The following FAM135B variants were observed in gnomAD, a reference collection of about 807,000 sequenced individuals.
FAM135B encodes family with sequence similarity 135 member B, also known as protein FAM135B.
FAM135B carries 43 observed loss-of-function variants against 127.7 expected under a neutral mutation model. The ratio of observed to expected loss-of-function variants is 0.34; its 90% CI spans 0.26 to 0.43. The LOEUF is 0.43. Among genes scored for constraint, FAM135B ranks in the 20% least tolerant of loss-of-function variants. The pLI is 1.00. For missense variants in FAM135B, 1,558 were observed against 1,725.6 expected, an observed-to-expected ratio of 0.90 and a Z score of 1.72; for synonymous variants, 670 against 665.1, an observed-to-expected ratio of 1.01 and a Z score of -0.11.
chr8:138,393,584 A>G (rs981065954), intron 1 of FAM135B, among the ~76,000 whole-genome samples: 1 of 152,196 alleles, frequency 6.6e-6, no homozygotes, highest in African/African-American at 2.4e-5. Context: ...GCATGAACAG[A>G]AAAGCCCTTT....
intron 13 of FAM135B, 153 bp from the exon 14 acceptor site, chr8:138,148,839 G>A: frequency 1.8e-6 from 1 of 553,388 alleles, no homozygotes; most frequent in Non-Finnish European, 3.1e-6. Context: ...ACATGCTAGT[G>A]AGTGAAGCTT....
At position 138,132,578 on chromosome 8, in the gene FAM135B, G is replaced by C. The variant is rs1351714960; in HGVS notation, c.*15C>G. 1 of 1,606,892 alleles carries C rather than the reference G, an allele frequency of 6.2e-7. No homozygotes were observed. The highest frequency in any genetic ancestry group is 8.5e-7 in the Non-Finnish European group (1 of 1,173,554). On this transcript the variant is annotated 3_prime_UTR_variant, in exon 20 of 20. Coordinates refer to ENST00000395297, the MANE Select transcript of FAM135B (RefSeq NM_015912.4). The surrounding 1 kb of genome is among the most constrained non-coding windows in gnomAD (Gnocchi z 4.5). ...CGATCGTAAGCATTACCAAAGACCT[G>C]CTCCCTCAAAGCCACTACTTGAAGT...
intron 1 of FAM135B, among the ~76,000 whole-genome samples, chr8:138,425,964 C>A (rs1185732598): frequency 1.3e-4 from 14 of 110,002 alleles, no homozygotes; most frequent in Non-Finnish European, 1.5e-4. Flanking sequence ...GCCAGGCCAA[C>A]ATATATATAT....
At chr8:138,146,240 C>T (rs891588273) in intron 14 of FAM135B, among the ~76,000 whole-genome samples, 190 bp from the exon 15 acceptor site, 1 of 152,194 alleles carries the variant, frequency 6.6e-6, no homozygotes, top group African/African-American at 2.4e-5. Context: ...TGGCCCCCCA[C>T]ACTCAGAGTC....
intron 2 of FAM135B, among the ~76,000 whole-genome samples, chr8:138,342,011 T>C (rs1373788661): frequency 6.6e-6 from 1 of 152,204 alleles, no homozygotes; most frequent in Admixed American, 6.5e-5. Context: ...AGCCAGCAGA[T>C]ACGAAAAGCA....
At chr8:138,296,107 CT>C (rs375682101) in intron 3 of FAM135B, among the ~76,000 whole-genome samples, 3 of 152,322 alleles carry the variant, frequency 2.0e-5, no homozygotes, top group South Asian at 4.1e-4. Flanking sequence ...GCTTTTTTCA[CT>C]GTGGACTGAG....
intron 1 of FAM135B, among the ~76,000 whole-genome samples, chr8:138,384,875 T>C (rs1190297269): frequency 6.6e-6 from 1 of 152,016 alleles, no homozygotes; most frequent in Non-Finnish European, 1.5e-5. Flanking sequence ...CAATCCCTTC[T>C]TCACTCAGCA....
At chr8:138,247,489 A>G (rs1000454010) in intron 6 of FAM135B, among the ~76,000 whole-genome samples, 3 of 152,024 alleles carry the variant, frequency 2.0e-5, no homozygotes, top group African/African-American at 7.3e-5. Context: ...CATGTGAAGA[A>G]GGATGTGTTT....
rs72723694 is a variant in FAM135B, at chr8:138,305,398, A to T, written c.157+5443T>A. On this transcript the variant is annotated intron_variant, in intron 3 of 19. Coordinates refer to ENST00000395297, the MANE Select transcript of FAM135B (RefSeq NM_015912.4). ...CAGCCCCCTAAGGGAAAAAAATAAC[A>T]TCTCTAGGTAGGAAGAGGCTGTAGA... Among the ~76,000 whole-genome samples the T allele has an allele frequency of 3.6e-3, 541 of 152,276 alleles. 6 individuals are homozygous for T. Among genetic ancestry groups the T allele is most frequent in the Non-Finnish European group, 5.7e-3 (388 of 68,016 alleles).
At chr8:138,430,048 C>T (rs775125763) in intron 1 of FAM135B, among the ~76,000 whole-genome samples, 12 of 152,092 alleles carry the variant, frequency 7.9e-5, no homozygotes, top group South Asian at 2.1e-4. Flanking sequence ...TTTCAGCCAA[C>T]GCAGCACTTT....
At chr8:138,158,011 A>G (rs986127374) in intron 12 of FAM135B, among the ~76,000 whole-genome samples, 1 of 152,226 alleles carries the variant, frequency 6.6e-6, no homozygotes, top group Non-Finnish European at 1.5e-5. Context: ...AGACAAAAGA[A>G]CAAAGCTGGA....
In FAM135B at chr8:138,186,847, T is replaced by C. The variant is rs138080373; in HGVS notation, c.874-8157A>G. ...ACCCCTGAATCTCCCACTAGAACCATTGTGGGAAACAGACAAGATAGCACT... is the reference window on the plus strand; with the variant it reads ...ACCCCTGAATCTCCCACTAGAACCACTGTGGGAAACAGACAAGATAGCACT... On this transcript the variant is annotated intron_variant, in intron 9 of 19. Transcript: ENST00000395297. Among the ~76,000 whole-genome samples the C allele has an allele frequency of 5.2e-3, 793 of 152,306 alleles. 3 individuals carry two copies. Among genetic ancestry groups the C allele is most frequent in the Non-Finnish European group, 7.5e-3 (508 of 68,018 alleles).
At chr8:138,420,128 C>T (rs528528706) in intron 1 of FAM135B, among the ~76,000 whole-genome samples, 2 of 151,880 alleles carry the variant, frequency 1.3e-5, no homozygotes, top group Non-Finnish European at 2.9e-5. Flanking sequence ...AGAAGATACA[C>T]ATAATCATAA....
intron 1 of FAM135B, among the ~76,000 whole-genome samples, chr8:138,461,768 C>T (rs1238608117): frequency 6.6e-6 from 1 of 152,172 alleles, no homozygotes; most frequent in Non-Finnish European, 1.5e-5. Flanking sequence ...AAACCCAGGC[C>T]TGCCTTCCTC....
At chr8:138,281,191 A>G (rs1824239004) in intron 3 of FAM135B, among the ~76,000 whole-genome samples, 1 of 152,162 alleles carries the variant, frequency 6.6e-6, no homozygotes, top group Non-Finnish European at 1.5e-5. Context: ...TCTGCTTGCA[A>G]CTAGAGTGTT....
chr8:138,427,307 A>G (rs1834946550), intron 1 of FAM135B, among the ~76,000 whole-genome samples: 1 of 150,430 alleles, frequency 6.6e-6, no homozygotes, highest in Non-Finnish European at 1.5e-5. Flanking sequence ...TATGCATTCT[A>G]CAAATATATA....
At chr8:138,212,890 T>C (rs1818249693) in intron 7 of FAM135B, among the ~76,000 whole-genome samples, 2 of 152,200 alleles carry the variant, frequency 1.3e-5, no homozygotes, top group Non-Finnish European at 2.9e-5. Context: ...TAAACACCTT[T>C]CTGATGAATG....
chr8:138,464,296 A>G (rs1837279809), intron 1 of FAM135B, among the ~76,000 whole-genome samples: 2 of 152,132 alleles, frequency 1.3e-5, no homozygotes, highest in Non-Finnish European at 1.5e-5. Flanking sequence ...TGAGACACAA[A>G]TGGACATCTC....
intron 3 of FAM135B, among the ~76,000 whole-genome samples, chr8:138,281,686 C>T (rs1253890524): frequency 6.6e-6 from 1 of 152,092 alleles, no homozygotes; most frequent in African/African-American, 2.4e-5. Context: ...ATAAGGGTCA[C>T]CTCCCTGTAA....
Sources: allele counts gnomAD v4.1 joint callset (sites outside exome capture counted in the v4.1 genomes callset), GRCh38; gene constraint gnomAD v4.1.1; non-coding constraint Gnocchi (gnomAD v3.1); transcripts MANE v1.5; gene names NCBI Gene and HGNC (gene_info 2026-07-23, HGNC 2026-07-21).